The following COL24A1 variants were observed in gnomAD, a reference collection of about 807,000 sequenced individuals.
COL24A1 encodes the protein collagen type XXIV alpha 1 chain, also known as collagen alpha-1(XXIV) chain.
In COL24A1, 224 loss-of-function variants were observed where a neutral mutation model predicts 253.9. The ratio of observed to expected loss-of-function variants is 0.88; its 90% CI spans 0.79 to 0.99. COL24A1 has a LOEUF of 0.99. Among genes scored for constraint, COL24A1 ranks in the 50% least tolerant of loss-of-function variants. The probability of loss-of-function intolerance (pLI) is 0.00; values close to 1 mark genes in which losing one functional copy is unlikely to be tolerated. For synonymous variants in COL24A1, 685 were observed against 673.7 expected (o/e 1.02, Z -0.26); for missense variants, 2,131 against 2,068.5 (o/e 1.03, Z -0.59).
chr1:85,907,377 A>T, intron 27 of COL24A1, 130 bp from the exon 28 acceptor site: 1 of 688,512 alleles, frequency 1.5e-6, no homozygotes, highest in South Asian at 2.1e-5. Context: ...TTCCTTAAAA[A>T]TATGCTTTAA....
chr1:85,743,638 T>C (rs1664879930), intron 57 of COL24A1, among the ~76,000 whole-genome samples: 1 of 152,192 alleles, frequency 6.6e-6, no homozygotes, highest in African/African-American at 2.4e-5. Context: ...TTACATTTCA[T>C]ACTAATTTTG....
intron 7 of COL24A1, among the ~76,000 whole-genome samples, chr1:86,069,504 T>C (rs771910537): frequency 1.4e-4 from 22 of 152,128 alleles, no homozygotes; most frequent in Admixed American, 2.0e-4. Flanking sequence ...CACAGCATCC[T>C]TGGACACACC....
chr1:85,754,950 C>T (rs1174980802), intron 55 of COL24A1, among the ~76,000 whole-genome samples: 2 of 152,048 alleles, frequency 1.3e-5, no homozygotes, highest in Non-Finnish European at 2.9e-5. Flanking sequence ...AAATCTGATG[C>T]AAAAATATTA....
chr1:85,840,953 T>C (rs910445256), intron 42 of COL24A1, among the ~76,000 whole-genome samples: 12 of 152,138 alleles, frequency 7.9e-5, no homozygotes, highest in Non-Finnish European at 1.2e-4. Flanking sequence ...TTTGTAAAAG[T>C]TGTTATCATG....
At chr1:85,922,293 A>T (rs940519365) in intron 24 of COL24A1, among the ~76,000 whole-genome samples, 1 of 152,198 alleles carries the variant, frequency 6.6e-6, no homozygotes, top group African/African-American at 2.4e-5. Flanking sequence ...GTAGGCCAAC[A>T]TTCAAATTCA....
intron 24 of COL24A1, among the ~76,000 whole-genome samples, chr1:85,939,609 G>C (rs1205710644): frequency 6.6e-6 from 1 of 152,088 alleles, no homozygotes; most frequent in Non-Finnish European, 1.5e-5. Context: ...CCTGATGATT[G>C]GCTGGAGGAG....
chr1:85,988,100 T>A (rs1485322138), intron 19 of COL24A1, among the ~76,000 whole-genome samples: 2 of 147,464 alleles, frequency 1.4e-5, no homozygotes, highest in Non-Finnish European at 1.5e-5. Flanking sequence ...TTCTGTCTGA[T>A]AAAAAAAAAA....
chr1:85,860,107 T>A (rs998489315), intron 37 of COL24A1, among the ~76,000 whole-genome samples: 5 of 152,358 alleles, frequency 3.3e-5, no homozygotes, highest in Non-Finnish European at 7.3e-5. Flanking sequence ...GTCTCAGAAG[T>A]ATCACATCAT....
chr1:86,070,594 G>A (rs542568600), intron 7 of COL24A1, among the ~76,000 whole-genome samples: 1 of 152,204 alleles, frequency 6.6e-6, no homozygotes, highest in Admixed American at 6.5e-5. Context: ...TGAAAGAAAA[G>A]AAACAAATAA....
At position 85,841,277 on chromosome 1, in the gene COL24A1, C is replaced by T. The variant is rs146843570; in HGVS notation, c.3572G>A (p.Gly1191Asp). Residue 1191 changes from glycine (G) to aspartate (D), a missense_variant and splice_region_variant, in exon 42 of 60, where the codon GGC becomes GAC. Gly to Asp is a moderately conservative substitution (Grantham distance 94). Transcript: ENST00000370571. Reference sequence around the variant, plus strand: ...GACTGTGCTATCTTCTCCTGGGTAGCCCTAAAATGAAATAATGATTTATAA... The same window carrying T: ...GACTGTGCTATCTTCTCCTGGGTAGTCCTAAAATGAAATAATGATTTATAA... ...SGLPGPKGEK[G>D]YPGEDSTVLG... is the part of the protein sequence containing the mutation. The T allele has an allele frequency of 1.3e-5, 21 of 1,590,674 alleles. No individual in the cohort carries two copies. Among genetic ancestry groups the T allele is most frequent in the Non-Finnish European group, 1.8e-5 (21 of 1,169,214 alleles).
chr1:86,124,863 T>C lies in COL24A1; in HGVS notation c.1473A>G (p.Lys491=). 2.6e-6 allele frequency: 4 copies of C among 1,564,960 alleles called. No homozygotes were observed. Among genetic ancestry groups the C allele is most frequent in the Non-Finnish European group, 2.6e-6 (3 of 1,162,996 alleles). ...MLEMEYLRGP[K]GDTGPPGPPG... ...AACTTACGGGAGGTCCAGTGTCTCC[T>C]TTTGGCCCTCTCAGATACTCCATTT... is the stretch of plus-strand genomic sequence containing the variant. Residue 491 remains lysine, a synonymous_variant, in exon 3 of 60, where the codon AAA becomes AAG. Transcript: ENST00000370571.
At chr1:85,976,262 G>A (rs1692670534) in intron 20 of COL24A1, among the ~76,000 whole-genome samples, 1 of 152,136 alleles carries the variant, frequency 6.6e-6, no homozygotes, top group Non-Finnish European at 1.5e-5. Flanking sequence ...AGGTCTGAAT[G>A]CTGAGCACAG....
chr1:85,976,148 G>C (rs1692656033), intron 20 of COL24A1, among the ~76,000 whole-genome samples: 1 of 152,200 alleles, frequency 6.6e-6, no homozygotes, highest in Admixed American at 6.5e-5. Flanking sequence ...AACTGTTGCA[G>C]AGAGTAGCAC....
intron 2 of COL24A1, among the ~76,000 whole-genome samples, chr1:86,145,116 A>G (rs1235417655): frequency 6.6e-6 from 1 of 152,112 alleles, no homozygotes; most frequent in African/African-American, 2.4e-5. Context: ...ATCTGTATCT[A>G]CTTGTCAATT....
intron 53 of COL24A1, among the ~76,000 whole-genome samples, chr1:85,770,856 T>C (rs1288529306): frequency 2.0e-5 from 3 of 152,192 alleles, no homozygotes; most frequent in African/African-American, 2.4e-5. Flanking sequence ...CTGGCTGATA[T>C]GCAACTAATG....
chr1:86,071,186 G>A (rs1362678238), intron 7 of COL24A1, among the ~76,000 whole-genome samples: 2 of 151,890 alleles, frequency 1.3e-5, no homozygotes, highest in Admixed American at 1.3e-4. Context: ...TTAAAATAAT[G>A]GGATATAAGA....
In COL24A1 at chr1:86,050,107, G is replaced by A. The variant is rs1330118540; in HGVS notation, c.1905+17C>T. The A allele has an allele frequency of 1.1e-5, 18 of 1,607,480 alleles. No homozygotes were observed. Among genetic ancestry groups the A allele is most frequent in the Middle Eastern group, 1.7e-4 (1 of 6,044 alleles). ...GTATATCACTTTAGAAATACTATTT[G>A]AAGGGAATGGACTTACCCGTTCTCC... On this transcript the variant is annotated intron_variant, in intron 11 of 59. Transcript: ENST00000370571.
At chr1:85,917,944 G>A (rs1186429759) in intron 24 of COL24A1, among the ~76,000 whole-genome samples, 1 of 152,136 alleles carries the variant, frequency 6.6e-6, no homozygotes, top group African/African-American at 2.4e-5. Context: ...CTGACCTCAG[G>A]TGATCTGCCC....
In COL24A1 at chr1:85,797,207, C is replaced by CAAAA. The variant is rs1181001829; in HGVS notation, c.3952-10750_3952-10747dup. 8.5e-4 allele frequency among the ~76,000 whole-genome samples: 56 copies of CAAAA among 66,106 alleles called. 2 individuals carry two copies. The South Asian group carries it at 0.02, about 24-fold the overall frequency. 43.4% of individuals were successfully genotyped at this position (66,106 alleles called of 152,430 possible). ...TGGGCGACAGAGCGAGACTCCGTCTCAAAAAAAAAAAAAAAAAAAAAAAGA... is the reference window on the plus strand; with the variant it reads ...TGGGCGACAGAGCGAGACTCCGTCTCAAAAAAAAAAAAAAAAAAAAAAAAAAAGA... On this transcript the variant is annotated intron_variant, in intron 47 of 59. Coordinates refer to ENST00000370571, the MANE Select transcript of COL24A1 (RefSeq NM_152890.7).
Sources: gnomAD v4.1 joint callset for allele counts (sites outside exome capture counted in the v4.1 genomes callset) on GRCh38, gnomAD v4.1.1 for gene constraint, MANE v1.5 for transcripts, NCBI Gene and HGNC (gene_info 2026-07-23, HGNC 2026-07-21) for gene names.